Variants in IRAK3 observed in about 807,000 individuals in gnomAD.
The protein encoded by IRAK3 is interleukin 1 receptor associated kinase 3.
Under a neutral mutation model 56.6 loss-of-function variants are expected in IRAK3, and 57 were observed. The observed-to-expected ratio is 1.01, with a 90% CI of 0.81 to 1.26. The LOEUF (loss-of-function observed/expected upper bound fraction) is 1.26, where lower values mean the gene tolerates loss of function less well. Ranked by LOEUF, IRAK3 falls within the 50% of genes most tolerant of loss-of-function variation. The pLI is 0.00. For missense variants in IRAK3, 703 were observed against 719.0 expected, an observed-to-expected ratio of 0.98 and a Z score of 0.25; for synonymous variants, 258 against 255.7, an observed-to-expected ratio of 1.01 and a Z score of -0.09.
intron 2 of IRAK3, among the ~76,000 whole-genome samples, chr12:66,204,779 C>T (rs530244284): frequency 0.015 from 232 of 15,212 alleles, 2 homozygotes; most frequent in African/African-American, 0.071. Context: ...AGCCCTTGCG[C>T]ACACACACAC....
At chr12:66,209,351 A>G in intron 2 of IRAK3, 105 bp from the exon 3 acceptor site, 1 of 730,270 alleles carries the variant, frequency 1.4e-6, no homozygotes, top group Non-Finnish European at 2.5e-6. Context: ...GAAACTTTAG[A>G]AATGAACAAT....
intron 5 of IRAK3, among the ~76,000 whole-genome samples, chr12:66,213,475 G>GT (rs1455619944): frequency 6.6e-6 from 1 of 152,138 alleles, no homozygotes; most frequent in Non-Finnish European, 1.5e-5. Context: ...TTTGGTAAGG[G>GT]TTAGATGAAT....
At chr12:66,242,587 A>G (rs2052981291) in intron 8 of IRAK3, among the ~76,000 whole-genome samples, 1 of 152,090 alleles carries the variant, frequency 6.6e-6, no homozygotes, top group African/African-American at 2.4e-5. Context: ...CAAGGAGAGA[A>G]ATGACAACTG....
chr12:66,207,927 AT>A (rs2052573080), intron 2 of IRAK3, among the ~76,000 whole-genome samples: 1 of 152,216 alleles, frequency 6.6e-6, no homozygotes, highest in Non-Finnish European at 1.5e-5. Context: ...TTTGAGGTTC[AT>A]TTAATTGCCT....
At chr12:66,244,876 T>G in intron 9 of IRAK3, 72 bp from the exon 10 acceptor site, 1 of 1,194,200 alleles carries the variant, frequency 8.4e-7, no homozygotes, top group Non-Finnish European at 1.2e-6. Flanking sequence ...TTCATAGTCA[T>G]GGTTAATAGT....
rs1463730155 is a variant in IRAK3, at chr12:66,251,544, T to C, written c.*3373T>C. 1 of 152,224 alleles carries C rather than the reference T, an allele frequency of 6.6e-6. No individual in the cohort carries two copies. Among genetic ancestry groups the C allele is most frequent in the Non-Finnish European group, 1.5e-5 (1 of 68,030 alleles). The allele number at this position is 152,224 out of a possible 1,614,324, so 9.4% of individuals were successfully genotyped here. ...AGCTTCAGGCTTTTGTCCCATTTTA[T>C]AATGCCCAAACACATGGAGAAAACA... On this transcript the variant is annotated 3_prime_UTR_variant, in exon 12 of 12. Coordinates refer to ENST00000261233, the MANE Select transcript of IRAK3 (RefSeq NM_007199.3).
chr12:66,234,631 A>T (rs2052882868), intron 8 of IRAK3: 1 of 1,611,574 alleles, frequency 6.2e-7, no homozygotes, highest in African/African-American at 1.3e-5. Context: ...CAGAAAACTT[A>T]CACAATAAAG....
In IRAK3 at chr12:66,250,293, T is replaced by C. The variant is rs1430547042; in HGVS notation, c.*2122T>C. 1 of 152,222 alleles carries C rather than the reference T, an allele frequency of 6.6e-6. No homozygotes were observed. Among genetic ancestry groups the C allele is most frequent in the African/African-American group, 2.4e-5 (1 of 41,456 alleles). 9.4% of individuals were successfully genotyped at this position (152,222 alleles called of 1,614,324 possible). On this transcript the variant is annotated 3_prime_UTR_variant, in exon 12 of 12. Coordinates refer to ENST00000261233, the MANE Select transcript of IRAK3 (RefSeq NM_007199.3). ...TAGGCTCATGTCTTTTGTTTTATTT[T>C]ATTTTTTTGGTGAGTCAGTATGGTT...
chr12:66,212,901 G>C (rs909078025), intron 5 of IRAK3, among the ~76,000 whole-genome samples: 2 of 152,098 alleles, frequency 1.3e-5, no homozygotes, highest in African/African-American at 4.8e-5. Flanking sequence ...GGAAATGGGA[G>C]GAAGAGTATT....
rs917101764 is a variant in IRAK3, at chr12:66,250,611, T to G, written c.*2440T>G. 6.6e-6 allele frequency: 1 copy of G among 152,208 alleles called. No individual in the cohort carries two copies. Among genetic ancestry groups the G allele is most frequent in the Non-Finnish European group, 1.5e-5 (1 of 68,050 alleles). The allele number at this position is 152,208 out of a possible 1,614,324, so 9.4% of individuals were successfully genotyped here. On this transcript the variant is annotated 3_prime_UTR_variant, in exon 12 of 12. Transcript: ENST00000261233. ...GAGATCATCAAGAATTGACTCTGTGTTAAACTGTTTTTCACTTAGAATATG... is the reference window on the plus strand; with the variant it reads ...GAGATCATCAAGAATTGACTCTGTGGTAAACTGTTTTTCACTTAGAATATG...
intron 8 of IRAK3, among the ~76,000 whole-genome samples, chr12:66,237,600 A>G (rs2052921902): frequency 6.6e-6 from 1 of 152,208 alleles, no homozygotes. Flanking sequence ...TGGCCCTGCT[A>G]TTAAGCGGTT....
At chr12:66,200,553 T>G (rs2052496854) in intron 1 of IRAK3, among the ~76,000 whole-genome samples, 1 of 152,146 alleles carries the variant, frequency 6.6e-6, no homozygotes, top group African/African-American at 2.4e-5. Flanking sequence ...AATTTTTAGC[T>G]CATAGAAAGA....
At chr12:66,237,907 C>G (rs1462494250) in intron 8 of IRAK3, among the ~76,000 whole-genome samples, 1 of 152,220 alleles carries the variant, frequency 6.6e-6, no homozygotes, top group Non-Finnish European at 1.5e-5. Flanking sequence ...TTCAAATCCT[C>G]TTTACATAAT....
At chr12:66,217,258 T>G in intron 6 of IRAK3, 23 bp downstream of exon 6, 1 of 1,543,432 alleles carries the variant, frequency 6.5e-7, no homozygotes, top group Non-Finnish European at 9.0e-7. Flanking sequence ...TCTCTGGAAT[T>G]TCCTCCTCTT....
intron 8 of IRAK3, among the ~76,000 whole-genome samples, chr12:66,230,232 A>G (rs1319927121): frequency 1.3e-5 from 2 of 152,092 alleles, no homozygotes; most frequent in Non-Finnish European, 2.9e-5. Flanking sequence ...CCTCATTTCC[A>G]CTTTCTCACT....
rs567933638 is a variant in IRAK3 at position 66,220,017 on chromosome 12, T to C, written c.653+2782T>C. On this transcript the variant is annotated intron_variant, in intron 6 of 11. Transcript: ENST00000261233. The stretch of plus-strand genomic sequence containing the variant: ...ATAGGTTTCCATTTCATTTTGTTGA[T>C]TGTTTCCTTTGTTGTGCAGAAGCTT... Among the ~76,000 whole-genome samples, 39 of 152,330 alleles carry C rather than the reference T, an allele frequency of 2.6e-4. 1 individual carries two copies. The highest frequency in any genetic ancestry group is 9.1e-4 in the African/African-American group (38 of 41,576).
chr12:66,250,526 C>T lies in IRAK3; in HGVS notation c.*2355C>T, dbSNP rs1400187268. 3 of 152,198 alleles carry T rather than the reference C, an allele frequency of 2.0e-5. No homozygotes were observed. Among genetic ancestry groups the T allele is most frequent in the African/African-American group, 7.2e-5 (3 of 41,446 alleles). 9.4% of individuals were successfully genotyped at this position (152,198 alleles called of 1,614,324 possible). The stretch of plus-strand genomic sequence containing the variant: ...GGCCCTCGGTAAGCAGTTGGGAGAA[C>T]CCATGCCCACCACTGCTCTGTACGG... On this transcript the variant is annotated 3_prime_UTR_variant, in exon 12 of 12. Coordinates refer to ENST00000261233, the MANE Select transcript of IRAK3 (RefSeq NM_007199.3).
At chr12:66,221,500 T>C (rs2052733304) in intron 6 of IRAK3, among the ~76,000 whole-genome samples, 1 of 152,244 alleles carries the variant, frequency 6.6e-6, no homozygotes, top group African/African-American at 2.4e-5. Context: ...TGTGGGTTTG[T>C]CATATATGGC....
chr12:66,250,060 GAATTA>G lies in IRAK3; in HGVS notation c.*1895_*1899del, dbSNP rs990307348. 1 of 152,086 alleles carries G rather than the reference GAATTA, an allele frequency of 6.6e-6. No homozygotes were observed. Among genetic ancestry groups the G allele is most frequent in the African/African-American group, 2.4e-5 (1 of 41,406 alleles). The allele number at this position is 152,086 out of a possible 1,614,324, so 9.4% of individuals were successfully genotyped here. On this transcript the variant is annotated 3_prime_UTR_variant, in exon 12 of 12. Coordinates refer to ENST00000261233, the MANE Select transcript of IRAK3 (RefSeq NM_007199.3). ...CAGGTGTTTCCTTATAAATTAAGTT[GAATTA>G]AATTACCCCTATGAAGCCACATAAT... is the stretch of plus-strand genomic sequence containing the variant.
Sources: allele counts gnomAD v4.1 joint callset (sites outside exome capture counted in the v4.1 genomes callset), GRCh38; gene constraint gnomAD v4.1.1; transcripts MANE v1.5; gene names NCBI Gene and HGNC (gene_info 2026-07-23, HGNC 2026-07-21).